The following IPO11 variants were observed in gnomAD, a reference collection of about 807,000 sequenced individuals.
IPO11 encodes the protein importin 11.
A neutral mutation model predicts 143.2 loss-of-function variants in IPO11; 66 were observed. The ratio of observed to expected loss-of-function variants is 0.46; its 90% confidence interval spans 0.38 to 0.57. The LOEUF (loss-of-function observed/expected upper bound fraction) is 0.57. Ranked by LOEUF, IPO11 falls within the 20% of genes least tolerant of loss-of-function variation. IPO11 has a pLI of 0.00. For missense variants in IPO11, 1,026 were observed against 1,141.0 expected (o/e 0.90, Z 1.45); for synonymous variants, 385 against 377.8 (o/e 1.02, Z -0.22).
intron 21 of IPO11, among the ~76,000 whole-genome samples, chr5:62,529,872 C>T (rs1399020769): frequency 3.9e-5 from 6 of 151,982 alleles, no homozygotes; most frequent in Non-Finnish European, 7.4e-5. Context: ...GATAACCCAC[C>T]GTGGATGTGT....
chr5:62,435,154 A>ATATATATGTGTATATATG (rs1744157405), intron 1 of IPO11, among the ~76,000 whole-genome samples: 1 of 62,728 alleles, frequency 1.6e-5, no homozygotes, highest in African/African-American at 6.6e-5. Context: ...GTATATATGT[A>ATATATATGTGTATATATG]TATATATGTA....
intron 24 of IPO11, among the ~76,000 whole-genome samples, chr5:62,540,279 C>G (rs549768000): frequency 6.6e-6 from 1 of 152,088 alleles, no homozygotes; most frequent in East Asian, 1.9e-4. Context: ...CTTCATTTTC[C>G]TCAGTTATTA....
intron 17 of IPO11, 76 bp downstream of exon 17, chr5:62,504,776 T>G: frequency 1.5e-6 from 2 of 1,327,396 alleles, no homozygotes; most frequent in Admixed American, 4.6e-5. Context: ...TTTTGTGAAA[T>G]TAATTTATGT....
chr5:62,506,381 A>G, intron 19 of IPO11, 24 bp downstream of exon 19: 2 of 1,330,360 alleles, frequency 1.5e-6, no homozygotes, highest in South Asian at 1.2e-5. Flanking sequence ...AAAACATGAA[A>G]ATAAATGAGG....
At chr5:62,610,637 CTTAG>C (rs913016764) in intron 29 of IPO11, among the ~76,000 whole-genome samples, 171 of 152,238 alleles carry the variant, frequency 1.1e-3, no homozygotes, top group African/African-American at 3.8e-3. Flanking sequence ...TCTGTTTACT[CTTAG>C]TTAAGTAATC....
chr5:62,507,788 A>G lies in IPO11; in HGVS notation c.1782+1431A>G, dbSNP rs1352051935. Among the ~76,000 whole-genome samples the G allele has an allele frequency of 3.3e-5, 5 of 152,180 alleles. No individual in the cohort carries two copies. In the East Asian group the frequency reaches 7.7e-4, roughly 23 times the overall value. On this transcript the variant is annotated intron_variant, in intron 19 of 29. Transcript: ENST00000325324. ...AACTTGGAATTAAAACTTTTTCTGT[A>G]AAGTTTGTTATTTTTTTGGCTTAGT...
chr5:62,469,375 T>G lies in IPO11; in HGVS notation c.650-875T>G, dbSNP rs1561323620. On this transcript the variant is annotated intron_variant, in intron 6 of 29. Transcript: ENST00000325324. Reference sequence around the variant, plus strand: ...TCTAAACTTAATTTTAATACATTGCTTTAGACTTACAAACCGAAGGTCTAG... The same window carrying G: ...TCTAAACTTAATTTTAATACATTGCGTTAGACTTACAAACCGAAGGTCTAG... Among the ~76,000 whole-genome samples the G allele has an allele frequency of 4.6e-5, 7 of 152,234 alleles. No homozygotes were observed. The South Asian group carries it at 1.4e-3, about 32-fold the overall frequency.
chr5:62,509,780 T>G (rs1260113213), intron 19 of IPO11, among the ~76,000 whole-genome samples: 2 of 152,242 alleles, frequency 1.3e-5, no homozygotes, highest in African/African-American at 4.8e-5. Flanking sequence ...CACATGTTCT[T>G]TATCCATTCA....
intron 27 of IPO11, chr5:62,581,412 A>G: frequency 7.9e-6 from 7 of 886,506 alleles, no homozygotes; most frequent in South Asian, 6.4e-5. Flanking sequence ...AATGAATTAT[A>G]TGAGGTTAGC....
At chr5:62,515,964 G>A (rs897166643) in intron 20 of IPO11, among the ~76,000 whole-genome samples, 19 of 152,360 alleles carry the variant, frequency 1.2e-4, no homozygotes. Flanking sequence ...GTGTTGGGAT[G>A]TGGTAGCAGG....
chr5:62,583,922 T>A (rs1448664788), intron 27 of IPO11, among the ~76,000 whole-genome samples: 2 of 152,124 alleles, frequency 1.3e-5, no homozygotes, highest in African/African-American at 4.8e-5. Context: ...TTATTAAAAG[T>A]TCTTGATTAG....
At chr5:62,446,967 C>CAA (rs1464155702) in intron 3 of IPO11, among the ~76,000 whole-genome samples, 5 of 131,826 alleles carry the variant, frequency 3.8e-5, no homozygotes, top group African/African-American at 1.4e-4. Flanking sequence ...ACTCTGACTG[C>CAA]AAAAAAAAAA....
chr5:62,603,103 T>C (rs1376907257), intron 29 of IPO11, among the ~76,000 whole-genome samples: 1 of 152,204 alleles, frequency 6.6e-6, no homozygotes, highest in Non-Finnish European at 1.5e-5. Context: ...AGTTGTACCA[T>C]GGGCTAATTG....
chr5:62,523,823 T>A (rs1742280006), intron 20 of IPO11, among the ~76,000 whole-genome samples: 1 of 152,184 alleles, frequency 6.6e-6, no homozygotes, highest in Non-Finnish European at 1.5e-5. Context: ...ATATGATAGA[T>A]TTGTATATCA....
chr5:62,444,306 A>G (rs1744630465), intron 3 of IPO11, among the ~76,000 whole-genome samples: 1 of 151,762 alleles, frequency 6.6e-6, no homozygotes, highest in South Asian at 2.1e-4. Context: ...GTTAGCCAGG[A>G]TGGTCTCGAT....
intron 5 of IPO11, among the ~76,000 whole-genome samples, chr5:62,458,912 T>C (rs781606386): frequency 3.3e-5 from 5 of 152,114 alleles, no homozygotes; most frequent in Non-Finnish European, 7.4e-5. Flanking sequence ...AGAATGAAAA[T>C]TCCAAAACTA....
At position 62,446,739 on chromosome 5, in the gene IPO11, C is replaced by G. The variant is rs183395619; in HGVS notation, c.240-3188C>G. Among the ~76,000 whole-genome samples the G allele has an allele frequency of 8.4e-4, 128 of 152,222 alleles. 2 individuals carry two copies. The East Asian group carries it at 0.024, about 28-fold the overall frequency. Reference sequence around the variant, plus strand: ...ATCCCAGCACCTTGGGAGGCCGAGGCGGGCAGGTCGCCTGAGGTCAGGAGT... The same window carrying G: ...ATCCCAGCACCTTGGGAGGCCGAGGGGGGCAGGTCGCCTGAGGTCAGGAGT... On this transcript the variant is annotated intron_variant, in intron 3 of 29. Coordinates refer to ENST00000325324, the MANE Select transcript of IPO11 (RefSeq NM_016338.5).
intron 2 of IPO11, 109 bp downstream of exon 2, chr5:62,437,526 T>C (rs1744284185): frequency 2.4e-6 from 2 of 847,388 alleles, no homozygotes; most frequent in African/African-American, 3.5e-5. Flanking sequence ...ATTCAGATGT[T>C]TGGCTGCTGA....
At chr5:62,492,431 C>G (rs1310315807) in intron 15 of IPO11, among the ~76,000 whole-genome samples, 2 of 152,178 alleles carry the variant, frequency 1.3e-5, no homozygotes, top group African/African-American at 4.8e-5. Flanking sequence ...CCCATTTCTT[C>G]TCTTCCTTTT....
Sources: allele counts gnomAD v4.1 joint callset (sites outside exome capture counted in the v4.1 genomes callset), GRCh38; gene constraint gnomAD v4.1.1; transcripts MANE v1.5; gene names NCBI Gene and HGNC (gene_info 2026-07-23, HGNC 2026-07-21).